Variants in COL4A1 observed in about 807,000 individuals in gnomAD.
COL4A1 encodes collagen type IV alpha 1 chain.
COL4A1 carries 40 observed loss-of-function variants against 216.6 expected under a neutral mutation model. The observed-to-expected ratio is 0.18, with a 90% confidence interval of 0.14 to 0.24. The LOEUF is 0.24. COL4A1 is among the 10% of genes least tolerant of loss of function. The pLI is 1.00. For missense variants in COL4A1, 1,628 were observed against 2,196.8 expected, an observed-to-expected ratio of 0.74 and a Z score of 5.18; for synonymous variants, 839 against 810.7, an observed-to-expected ratio of 1.03 and a Z score of -0.59.
At chr13:110,293,518 C>CCAATCAT (rs1312131188) in intron 1 of COL4A1, among the ~76,000 whole-genome samples, 1 of 152,176 alleles carries the variant, frequency 6.6e-6, no homozygotes, top group Non-Finnish European at 1.5e-5. Context: ...GAAGTTACTG[C>CCAATCAT]CAATCATCTG....
rs2275841 is a variant in COL4A1 at position 110,155,223 on chromosome 13, C to A, written c.4755+60G>T. ...AAGGTGTGGAGGCACCAGACAGAGG[C>A]GACTATGGGGCGTGAGTGGGGCTCT... On this transcript the variant is annotated intron_variant, in intron 50 of 51. Transcript: ENST00000375820. The A allele has an allele frequency of 1.1e-5, 14 of 1,265,212 alleles. No individual in the cohort carries two copies. In the Admixed American group the frequency reaches 2.4e-4, roughly 21 times the overall value. 78.4% of individuals were successfully genotyped at this position (1,265,212 alleles called of 1,614,324 possible). A position where few individuals can be genotyped will look rare whatever the true frequency, so the allele number is the denominator to read the frequency against.
chr13:110,287,483 T>C (rs117919719), intron 1 of COL4A1, among the ~76,000 whole-genome samples: 3,515 of 152,358 alleles, frequency 0.023, 82 homozygotes, highest in South Asian at 0.072. Context: ...AAGACTCGGT[T>C]TTTCCATTGG....
intron 37 of COL4A1, 62 bp downstream of exon 37, chr13:110,175,156 T>G: frequency 3.1e-6 from 5 of 1,599,368 alleles, no homozygotes; most frequent in Non-Finnish European, 4.3e-6. Context: ...GCTGAGCATT[T>G]CTCAGGCAGC....
intron 18 of COL4A1, 121 bp downstream of exon 18, chr13:110,203,445 T>A: frequency 9.3e-7 from 1 of 1,077,292 alleles, no homozygotes. Flanking sequence ...CTCCTTCCTC[T>A]CCCAGCGCTC....
At chr13:110,302,148 T>G (rs1311499282) in intron 1 of COL4A1, among the ~76,000 whole-genome samples, 1 of 152,014 alleles carries the variant, frequency 6.6e-6, no homozygotes. Context: ...GTAGGAGACT[T>G]TGTGACTGAG....
At chr13:110,277,093 G>A (rs955171494) in intron 1 of COL4A1, among the ~76,000 whole-genome samples, 2 of 152,124 alleles carry the variant, frequency 1.3e-5, no homozygotes, top group African/African-American at 4.8e-5. Flanking sequence ...GATAACCAAT[G>A]TATAGTACGT....
At chr13:110,218,095 A>G (rs749607357) in intron 2 of COL4A1, among the ~76,000 whole-genome samples, 34 of 152,232 alleles carry the variant, frequency 2.2e-4, no homozygotes, top group Non-Finnish European at 3.7e-4. Flanking sequence ...GGACAGCTGA[A>G]GTTAAAATAG....
At chr13:110,202,982 G>A (rs1417098461) in intron 18 of COL4A1, among the ~76,000 whole-genome samples, 1 of 152,190 alleles carries the variant, frequency 6.6e-6, no homozygotes, top group African/African-American at 2.4e-5. Flanking sequence ...GGAGGCCAAG[G>A]TGGGTGGGTC....
chr13:110,224,389 C>G (rs1003605494), intron 2 of COL4A1, among the ~76,000 whole-genome samples: 5 of 152,198 alleles, frequency 3.3e-5, no homozygotes, highest in Non-Finnish European at 5.9e-5. Context: ...GTGGCATGAT[C>G]TTGGCTCACT....
At position 110,210,540 on chromosome 13, in the gene COL4A1, G is replaced by A. The variant is rs41349647; in HGVS notation, c.469-328C>T. 7.8e-3 allele frequency among the ~76,000 whole-genome samples: 1,188 copies of A among 152,208 alleles called. 28 individuals carry two copies. Among genetic ancestry groups the A allele is most frequent in the African/African-American group, 0.027 (1,123 of 41,514 alleles). On this transcript the variant is annotated intron_variant, in intron 8 of 51. Coordinates refer to ENST00000375820, the MANE Select transcript of COL4A1 (RefSeq NM_001845.6). ...TTGTCTCTGGTTGAAAGACTACTGC[G>A]TGACCACAGGCTCTCCTCACAAAAC...
chr13:110,205,494 G>A lies in COL4A1; in HGVS notation c.903C>T (p.Pro301=), dbSNP rs936530624. 8.1e-6 allele frequency: 13 copies of A among 1,606,934 alleles called. No homozygotes were observed. The highest frequency in any genetic ancestry group is 5.9e-5 in the African/African-American group (4 of 68,306). ...GTAAAAACCACAGAGAAACACTTACGGGACTCCCTTTTTCCCCTTTGTCAC... is the reference window on the plus strand; with the variant it reads ...GTAAAAACCACAGAGAAACACTTACAGGACTCCCTTTTTCCCCTTTGTCAC... ...KDGDKGEKGS[P]GFPGEPGYPG... Residue 301 remains proline (P), a splice_region_variant and synonymous_variant, in exon 16 of 52, where the codon CCC becomes CCT. Transcript: ENST00000375820.
intron 1 of COL4A1, among the ~76,000 whole-genome samples, chr13:110,254,383 T>C (rs1246377480): frequency 6.6e-6 from 1 of 152,156 alleles, no homozygotes; most frequent in Non-Finnish European, 1.5e-5. Context: ...AGGGCTCCGT[T>C]TGCCTCTGGG....
intron 15 of COL4A1, among the ~76,000 whole-genome samples, chr13:110,205,890 A>T: frequency 6.6e-6 from 1 of 152,046 alleles, no homozygotes; most frequent in Non-Finnish European, 1.5e-5. Flanking sequence ...TATATATATA[A>T]TAACGGATAT....
intron 2 of COL4A1, among the ~76,000 whole-genome samples, chr13:110,240,565 C>T (rs1274345159): frequency 6.6e-6 from 1 of 152,264 alleles, no homozygotes; most frequent in African/African-American, 2.4e-5. Context: ...CAGGCACAGA[C>T]CTCGCCTGGC....
intron 1 of COL4A1, among the ~76,000 whole-genome samples, chr13:110,278,889 C>T (rs1051288537): frequency 6.6e-6 from 1 of 152,100 alleles, no homozygotes; most frequent in Non-Finnish European, 1.5e-5. Context: ...GCGTCCCACA[C>T]CTCCTTTTCA....
intron 24 of COL4A1, chr13:110,191,527 C>A: frequency 3.7e-6 from 2 of 535,894 alleles, no homozygotes; most frequent in South Asian, 2.9e-5. Flanking sequence ...TATTATTATG[C>A]TCTTCTATTT....
At position 110,227,042 on chromosome 13, in the gene COL4A1, C is replaced by T. The variant is rs150270922; in HGVS notation, c.145-13027G>A. On this transcript the variant is annotated intron_variant, in intron 2 of 51. Coordinates refer to ENST00000375820, the MANE Select transcript of COL4A1 (RefSeq NM_001845.6). ...GATAATATGGAGATATATTTCAATC[C>T]AAGGTGTGGCCCAATTATTTAAAAA... Among the ~76,000 whole-genome samples the T allele has an allele frequency of 1.7e-3, 260 of 152,284 alleles. 2 individuals carry two copies. Among genetic ancestry groups the T allele is most frequent in the African/African-American group, 6.0e-3 (249 of 41,552 alleles).
chr13:110,303,063 T>C (rs1594130469), intron 1 of COL4A1, among the ~76,000 whole-genome samples: 1 of 152,188 alleles, frequency 6.6e-6, no homozygotes, highest in Admixed American at 6.5e-5. Context: ...CACTGGTGGG[T>C]TCCATTTGTC....
At chr13:110,259,669 T>G (rs1882736640) in intron 1 of COL4A1, among the ~76,000 whole-genome samples, 1 of 152,150 alleles carries the variant, frequency 6.6e-6, no homozygotes, top group South Asian at 2.1e-4. Context: ...AAACTAAAAG[T>G]GTATTTTTAA....
Sources: allele counts gnomAD v4.1 joint callset (sites outside exome capture counted in the v4.1 genomes callset), GRCh38; gene constraint gnomAD v4.1.1; transcripts MANE v1.5; gene names NCBI Gene and HGNC (gene_info 2026-07-23, HGNC 2026-07-21).